Variants in GNPTG observed in about 807,000 individuals in gnomAD.
GNPTG encodes the protein N-acetylglucosamine-1-phosphate transferase subunit gamma, also known as N-acetylglucosamine-1-phosphotransferase subunit gamma.
Under a neutral mutation model 43.8 loss-of-function variants are expected in GNPTG, and 46 were observed. That is an observed-to-expected ratio of 1.05 (90% CI 0.83 to 1.34). GNPTG has a LOEUF of 1.34. Among genes scored for constraint, GNPTG ranks in the 40% most tolerant of loss-of-function variants. The pLI, the probability that GNPTG is intolerant of heterozygous loss-of-function variation, is 0.00. For missense variants in GNPTG, 549 were observed against 411.3 expected (o/e 1.33, Z -2.90); for synonymous variants, 250 against 172.8 (o/e 1.45, Z -3.50).
At chr16:1,356,954 G>A (rs946865613) in intron 3 of GNPTG, among the ~76,000 whole-genome samples, 4 of 145,500 alleles carry the variant, frequency 2.7e-5, no homozygotes, top group East Asian at 2.0e-4. Context: ...TGCGGGTGGC[G>A]GTCTGCGGGC....
chr16:1,353,008 C>T (rs538152500), intron 3 of GNPTG, among the ~76,000 whole-genome samples: 16 of 138,366 alleles, frequency 1.2e-4, no homozygotes, highest in African/African-American at 1.6e-4. Context: ...CTCGCTCTGT[C>T]GCCCAGGCTG....
At chr16:1,356,348 C>T (rs1245923645) in intron 3 of GNPTG, among the ~76,000 whole-genome samples, 2 of 152,082 alleles carry the variant, frequency 1.3e-5, no homozygotes, top group Non-Finnish European at 2.9e-5. Flanking sequence ...GAGGAGAAGC[C>T]TCCCGGCAGG....
At chr16:1,362,788 C>G (rs1200636610) in intron 9 of GNPTG, 37 bp from the exon 10 acceptor site, 2 of 1,614,068 alleles carry the variant, frequency 1.2e-6, no homozygotes, top group Non-Finnish European at 1.7e-6. Context: ...CCCTCCAGCA[C>G]CTGGGCTTTC....
At chr16:1,353,480 AGGAG>A (rs1378435322) in intron 3 of GNPTG, among the ~76,000 whole-genome samples, 1 of 152,180 alleles carries the variant, frequency 6.6e-6, no homozygotes, top group Non-Finnish European at 1.5e-5. Flanking sequence ...TGTGAAGCAG[AGGAG>A]GGAGTGTGTG....
intron 3 of GNPTG, 118 bp downstream of exon 3, chr16:1,352,424 C>G (rs919111588): frequency 3.9e-6 from 4 of 1,024,626 alleles, no homozygotes; most frequent in Admixed American, 2.0e-5. Context: ...GTTTGTCAGC[C>G]TTCTAAAATT....
chr16:1,352,569 CT>C, intron 3 of GNPTG: 1 of 527,044 alleles, frequency 1.9e-6, no homozygotes, highest in Non-Finnish European at 3.4e-6. Context: ...CGTTTCTGTG[CT>C]TTTACGTGCG....
intron 3 of GNPTG, among the ~76,000 whole-genome samples, chr16:1,355,166 G>A (rs1322737271): frequency 6.6e-6 from 1 of 152,146 alleles, no homozygotes; most frequent in South Asian, 2.1e-4. Flanking sequence ...CGCGTCTGTG[G>A]GGTCGGGTGT....
rs2034978399 is a variant in GNPTG, at chr16:1,363,271, G to A, written c.*180G>A. ...AACTCCATGAATTCTGTAAACCATT[G>A]CATAAATGCTATAGTGTAAAAAAAT... On this transcript the variant is annotated 3_prime_UTR_variant, in exon 11 of 11. Coordinates refer to ENST00000204679, the MANE Select transcript of GNPTG (RefSeq NM_032520.5). 2 of 650,066 alleles carry A rather than the reference G, an allele frequency of 3.1e-6. No homozygotes were observed. Among genetic ancestry groups the A allele is most frequent in the African/African-American group, 1.8e-5 (1 of 55,166 alleles). The allele number at this position is 650,066 out of a possible 1,614,324, so 40.3% of individuals were successfully genotyped here.
intron 1 of GNPTG, 35 bp downstream of exon 1, chr16:1,352,052 G>T: frequency 6.6e-7 from 1 of 1,518,226 alleles, no homozygotes. Flanking sequence ...CCCAGGCCCC[G>T]CGCGCGCTCT....
Position 1,361,971 on chromosome 16 carries a change from G to T in GNPTG, c.317+16G>T, listed in dbSNP as rs781472406. 6.2e-7 allele frequency: 1 copy of T among 1,613,348 alleles called. No homozygotes were observed. The highest frequency in any genetic ancestry group is 1.7e-5 in the Admixed American group (1 of 60,020). ...GGATCCTCGGGTGAGTGGGGCCGGGGCAGGGATCCCAAAGCAGCAGCGCAG... is the reference window on the plus strand; with the variant it reads ...GGATCCTCGGGTGAGTGGGGCCGGGTCAGGGATCCCAAAGCAGCAGCGCAG... On this transcript the variant is annotated intron_variant, in intron 5 of 10. Transcript: ENST00000204679.
rs1379930554 is a variant in GNPTG at position 1,362,524 on chromosome 16, T to C, written c.599T>C (p.Ile200Thr). 1.9e-6 allele frequency: 3 copies of C among 1,614,148 alleles called. No homozygotes were observed. The African/African-American group carries it at 4.0e-5, about 22-fold the overall frequency. The change falls in exon 8 of 11, where the codon ATC (isoleucine) becomes ACC (threonine). Residue 200 changes from isoleucine (I) to threonine (T), a missense_variant. Coordinates refer to ENST00000204679, the MANE Select transcript of GNPTG (RefSeq NM_032520.5). The part of the protein sequence containing the change: ...QVEQDLADEL[I>T]TPQGHEKLLR... ...GAGCAGGACCTGGCCGATGAGCTGA[T>C]CACCCCCCAGGTAAGCGTGCGCTCG...
At position 1,362,563 on chromosome 16, in the gene GNPTG, T is replaced by C. The variant is rs774852659; in HGVS notation, c.609+29T>C. ...AGCGTGCGCTCGGGGTGGCCCCTGG[T>C]GGGCCTGGCTGGGAGCTGGGTGCTG... On this transcript the variant is annotated intron_variant, in intron 8 of 10. Coordinates refer to ENST00000204679, the MANE Select transcript of GNPTG (RefSeq NM_032520.5). 3.4e-5 allele frequency: 55 copies of C among 1,614,112 alleles called. No homozygotes were observed. In the African/African-American group the frequency reaches 5.9e-4, roughly 17 times the overall value.
chr16:1,359,683 T>C (rs962365803), intron 3 of GNPTG, among the ~76,000 whole-genome samples: 5 of 152,252 alleles, frequency 3.3e-5, no homozygotes, highest in Non-Finnish European at 7.3e-5. Flanking sequence ...TGTTCGATGA[T>C]TTGGGGTCCT....
chr16:1,361,328 G>T, intron 3 of GNPTG: 1 of 233,146 alleles, frequency 4.3e-6, no homozygotes, highest in Non-Finnish European at 8.7e-6. Context: ...CTGTTTCTTT[G>T]AACGTCTTGT....
intron 3 of GNPTG, chr16:1,361,442 A>G (rs2034871372): frequency 5.3e-6 from 2 of 377,436 alleles, no homozygotes; most frequent in Admixed American, 3.7e-5. Flanking sequence ...CAGGAGATCG[A>G]GACCATCCTG....
At chr16:1,353,997 G>A (rs534620900) in intron 3 of GNPTG, among the ~76,000 whole-genome samples, 19 of 152,318 alleles carry the variant, frequency 1.2e-4, no homozygotes, top group African/African-American at 4.6e-4. Context: ...GCCGCACCGT[G>A]TTGGTAGGTT....
At chr16:1,357,044 G>C (rs899112139) in intron 3 of GNPTG, among the ~76,000 whole-genome samples, 2 of 152,200 alleles carry the variant, frequency 1.3e-5, no homozygotes, top group Non-Finnish European at 2.9e-5. Context: ...GTGCCTGTTG[G>C]GCAGGGCCCT....
intron 3 of GNPTG, chr16:1,358,958 C>G (rs181788750): frequency 1.3e-5 from 2 of 151,964 alleles, no homozygotes; most frequent in Non-Finnish European, 2.9e-5. Flanking sequence ...GCCTCCCAGG[C>G]TCAGGCGATT....
chr16:1,354,321 G>C (rs145754406), intron 3 of GNPTG, among the ~76,000 whole-genome samples: 1 of 152,028 alleles, frequency 6.6e-6, no homozygotes. Context: ...GTGGTGGTGC[G>C]TGCATGTTGC....
Sources: gnomAD v4.1 joint callset for allele counts (sites outside exome capture counted in the v4.1 genomes callset) on GRCh38, gnomAD v4.1.1 for gene constraint, MANE v1.5 for transcripts, NCBI Gene and HGNC (gene_info 2026-07-23, HGNC 2026-07-21) for gene names.